DLC1: variants seen among roughly 807,000 people sequenced by gnomAD.
DLC1 encodes the protein rho GTPase-activating protein 7.
DLC1 carries 54 observed loss-of-function variants against 140.3 expected under a neutral mutation model. That is an observed-to-expected ratio of 0.38 (90% CI 0.31 to 0.48). The LOEUF is 0.48. Ranked by LOEUF, DLC1 falls within the 20% of genes least tolerant of loss-of-function variation. The pLI, the probability that DLC1 is intolerant of heterozygous loss-of-function variation, is 0.96. For synonymous variants in DLC1, 986 were observed against 728.1 expected (o/e 1.35, Z -5.70); for missense variants, 2,536 against 1,907.0 (o/e 1.33, Z -6.14).
chr8:13,232,871 C>T (rs1401582607), intron 5 of DLC1, among the ~76,000 whole-genome samples: 2 of 152,146 alleles, frequency 1.3e-5, no homozygotes, highest in Admixed American at 1.3e-4. Context: ...TTGATAGATT[C>T]AACTTTTTTT....
intron 4 of DLC1, among the ~76,000 whole-genome samples, chr8:13,379,490 G>A (rs1190207739): frequency 6.6e-6 from 1 of 152,144 alleles, no homozygotes. Context: ...CTAACACAAA[G>A]CCTATTTTGT....
chr8:13,206,714 A>T (rs1827679637), intron 5 of DLC1, among the ~76,000 whole-genome samples: 1 of 152,186 alleles, frequency 6.6e-6, no homozygotes, highest in Non-Finnish European at 1.5e-5. Flanking sequence ...TAATGTTTTC[A>T]TTAAAAAAAC....
Position 13,177,122 on chromosome 8 carries a change from T to C in DLC1, c.1349-61465A>G, listed in dbSNP as rs202141342. 2.6e-5 allele frequency among the ~76,000 whole-genome samples: 4 copies of C among 152,332 alleles called. No individual in the cohort carries two copies. The East Asian group carries it at 7.7e-4, about 29-fold the overall frequency. On this transcript the variant is annotated intron_variant, in intron 5 of 17. Coordinates refer to ENST00000276297, the MANE Select transcript of DLC1 (RefSeq NM_182643.3). ...TAATTTTTAAAATTTTAATTGTTTA[T>C]AGTTGATTGTCAGAACAGAACCAAA...
At chr8:13,216,339 G>A (rs570583866) in intron 5 of DLC1, among the ~76,000 whole-genome samples, 1 of 152,232 alleles carries the variant, frequency 6.6e-6, no homozygotes, top group Admixed American at 6.5e-5. Context: ...CACATGATTT[G>A]TTCAAAGCCA....
At chr8:13,217,001 T>C (rs1337380014) in intron 5 of DLC1, among the ~76,000 whole-genome samples, 1 of 152,146 alleles carries the variant, frequency 6.6e-6, no homozygotes, top group East Asian at 1.9e-4. Context: ...AGGTGTTCTG[T>C]GCACAATAAA....
chr8:13,229,212 A>G (rs536442297), intron 5 of DLC1, among the ~76,000 whole-genome samples: 4 of 152,340 alleles, frequency 2.6e-5, no homozygotes, highest in African/African-American at 9.6e-5. Context: ...GGATAAATGG[A>G]TGAAGTGTGG....
intron 4 of DLC1, among the ~76,000 whole-genome samples, chr8:13,338,297 G>A (rs1163109712): frequency 6.6e-6 from 1 of 152,110 alleles, no homozygotes; most frequent in Non-Finnish European, 1.5e-5. Flanking sequence ...GAGTCACAAA[G>A]CCATGGTTCG....
chr8:13,456,363 C>T (rs966969237), intron 2 of DLC1, among the ~76,000 whole-genome samples: 1 of 152,148 alleles, frequency 6.6e-6, no homozygotes, highest in Non-Finnish European at 1.5e-5. Flanking sequence ...CCTATATTGC[C>T]CTTGAAAGCA....
intron 4 of DLC1, among the ~76,000 whole-genome samples, chr8:13,343,073 C>T (rs1834152614): frequency 6.6e-6 from 1 of 152,114 alleles, no homozygotes; most frequent in African/African-American, 2.4e-5. Flanking sequence ...AGCAGAGATA[C>T]TTATTTGCTA....
intron 1 of DLC1, among the ~76,000 whole-genome samples, chr8:13,537,039 G>A (rs1803306620): frequency 6.6e-6 from 1 of 151,892 alleles, no homozygotes; most frequent in Admixed American, 6.6e-5. Flanking sequence ...TAAAAACTGG[G>A]ATTGATGAAA....
intron 2 of DLC1, among the ~76,000 whole-genome samples, chr8:13,488,934 C>T (rs563798262): frequency 1.3e-5 from 2 of 151,954 alleles, no homozygotes; most frequent in Non-Finnish European, 2.9e-5. Context: ...ATTCTAGGCT[C>T]AATTTTTTTT....
Position 13,600,700 on chromosome 8 carries a change from T to C in DLC1, c.-126+3837A>G, listed in dbSNP as rs141745469. Among the ~76,000 whole-genome samples the C allele has an allele frequency of 1.8e-3, 267 of 152,062 alleles. 3 individuals carry two copies. Among genetic ancestry groups the C allele is most frequent in the African/African-American group, 6.0e-3 (249 of 41,558 alleles). On this transcript the variant is annotated intron_variant, in intron 1 of 1. Transcript: ENST00000631382. ...TTTCAAAATCTTGGTATTTGAAGAA[T>C]TAATTTTTATTTAAAGTAAATCTTT...
intron 1 of DLC1, among the ~76,000 whole-genome samples, chr8:13,552,871 T>A (rs926016570): frequency 1.3e-5 from 2 of 151,878 alleles, no homozygotes; most frequent in Non-Finnish European, 1.5e-5. Flanking sequence ...ATAAACTAAA[T>A]CTTTTCTAGA....
chr8:13,323,053 A>G (rs1304784388), intron 4 of DLC1, among the ~76,000 whole-genome samples: 1 of 152,200 alleles, frequency 6.6e-6, no homozygotes, highest in Non-Finnish European at 1.5e-5. Context: ...CATACTGAAG[A>G]CAGACACTCC....
At chr8:13,506,865 G>T (rs1301526447) in intron 1 of DLC1, among the ~76,000 whole-genome samples, 1 of 151,870 alleles carries the variant, frequency 6.6e-6, no homozygotes, top group East Asian at 1.9e-4. Context: ...GTTGCTACGT[G>T]GTGAGGGTCA....
intron 5 of DLC1, among the ~76,000 whole-genome samples, chr8:13,289,818 A>G (rs934934370): frequency 6.6e-6 from 1 of 152,196 alleles, no homozygotes; most frequent in African/African-American, 2.4e-5. Context: ...TTCTCATTGT[A>G]CAGCCCCATT....
At chr8:13,469,932 A>G (rs1410947987) in intron 2 of DLC1, among the ~76,000 whole-genome samples, 2 of 152,204 alleles carry the variant, frequency 1.3e-5, no homozygotes, top group Non-Finnish European at 2.9e-5. Flanking sequence ...TTACAGCTCA[A>G]TATTGTGGGA....
chr8:13,191,926 G>GATAATT (rs1826776332), intron 5 of DLC1, among the ~76,000 whole-genome samples: 1 of 141,926 alleles, frequency 7.0e-6, no homozygotes. Context: ...GGAGTGGCCT[G>GATAATT]ATTATTATTA....
chr8:13,171,541 C>T (rs758817138), intron 5 of DLC1, among the ~76,000 whole-genome samples: 23 of 152,108 alleles, frequency 1.5e-4, no homozygotes, highest in Non-Finnish European at 2.5e-4. Context: ...CAGGTGCGTG[C>T]CACCATGCCC....
Sources: allele counts gnomAD v4.1 joint callset (sites outside exome capture counted in the v4.1 genomes callset), GRCh38; gene constraint gnomAD v4.1.1; transcripts MANE v1.5; gene names NCBI Gene and HGNC (gene_info 2026-07-23, HGNC 2026-07-21).